Variants in DYNC2I1 observed in about 807,000 individuals in gnomAD.
DYNC2I1 encodes dynein 2 intermediate chain 1, also known as cytoplasmic dynein 2 intermediate chain 1.
In DYNC2I1, 89 loss-of-function variants were observed where a neutral mutation model predicts 133.4. The ratio of observed to expected loss-of-function variants is 0.67; its 90% CI spans 0.56 to 0.80. The LOEUF (loss-of-function observed/expected upper bound fraction) is 0.80, where lower values mean the gene tolerates loss of function less well. DYNC2I1 is among the 30% of genes least tolerant of loss of function. DYNC2I1 has a pLI of 0.00. For missense variants in DYNC2I1, 1,291 were observed against 1,314.5 expected, an observed-to-expected ratio of 0.98 and a Z score of 0.28; for synonymous variants, 504 against 484.3, an observed-to-expected ratio of 1.04 and a Z score of -0.54.
chr7:158,871,517 C>T lies in DYNC2I1; in HGVS notation c.445C>T (p.Arg149Cys), dbSNP rs545206396. The change falls in exon 3 of 25, where the codon CGC (arginine) becomes TGC (cysteine). Residue 149 changes from arginine (R) to cysteine (C), a missense_variant. Transcript: ENST00000407559. ...AHHNLLGQET[R>C]DRQLLERAER... ...CCACAACCTGCTGGGCCAGGAGACA[C>T]GCGACCGGCAGCTCCTGGAGCGGGC... The T allele has an allele frequency of 3.2e-5, 49 of 1,545,534 alleles. No homozygotes were observed. Among genetic ancestry groups the T allele is most frequent in the Admixed American group, 1.2e-4 (6 of 50,882 alleles).
chr7:158,937,297 G>A (rs1456270447), intron 23 of DYNC2I1, among the ~76,000 whole-genome samples: 1 of 152,214 alleles, frequency 6.6e-6, no homozygotes, highest in African/African-American at 2.4e-5. Flanking sequence ...TCAAGTAGAG[G>A]AATGAATAGG....
intron 1 of DYNC2I1, among the ~76,000 whole-genome samples, chr7:158,859,774 T>G (rs962271360): frequency 1.3e-5 from 2 of 152,100 alleles, no homozygotes; most frequent in African/African-American, 4.8e-5. Flanking sequence ...CATGAGCCAC[T>G]GTGCCAGGCC....
rs999543902 is a variant in DYNC2I1, at chr7:158,904,837, A to G, written c.1358-1152A>G. 10 of 224,558 alleles carry G rather than the reference A, an allele frequency of 4.5e-5. No individual in the cohort carries two copies. The East Asian group carries it at 9.0e-4, about 20-fold the overall frequency. 13.9% of individuals were successfully genotyped at this position (224,558 alleles called of 1,614,324 possible). A position where few individuals can be genotyped will look rare whatever the true frequency, so the allele number is the denominator to read the frequency against. On this transcript the variant is annotated intron_variant, in intron 10 of 24. Coordinates refer to ENST00000407559, the MANE Select transcript of DYNC2I1 (RefSeq NM_018051.5). Reference sequence around the variant, plus strand: ...CCCCTGACCCAGACAGGCATCCTCCAGAGCCACACCCTCTGCATTGCTGGC... The same window carrying G: ...CCCCTGACCCAGACAGGCATCCTCCGGAGCCACACCCTCTGCATTGCTGGC...
At chr7:158,882,885 A>G (rs1195587134) in intron 5 of DYNC2I1, among the ~76,000 whole-genome samples, 1 of 151,998 alleles carries the variant, frequency 6.6e-6, no homozygotes, top group Non-Finnish European at 1.5e-5. Context: ...CAAAAAAAAA[A>G]AAAAAAGGAA....
At chr7:158,871,689 C>A in intron 3 of DYNC2I1, 127 bp downstream of exon 3, 1 of 1,120,528 alleles carries the variant, frequency 8.9e-7, no homozygotes, top group Non-Finnish European at 1.2e-6. Context: ...CCTTTTTTTT[C>A]TGGACAGGGT....
Position 158,945,600 on chromosome 7 carries a change from G to T in DYNC2I1, c.3022G>T (p.Val1008Leu). 6.2e-7 allele frequency: 1 copy of T among 1,607,452 alleles called. No homozygotes were observed. Among genetic ancestry groups the T allele is most frequent in the Non-Finnish European group, 8.5e-7 (1 of 1,177,586 alleles). ...CTGCAGGCTGGTGGCCATGGCTGCG[G>T]TGGGTGAGCCTGAGAAGGCTGGTGG... ...SPNRLVAMAA[V>L]GEPEKAGGSF... Residue 1008 changes from valine (V) to leucine (L), a missense_variant, in exon 25 of 25, where the codon GTG becomes TTG. Transcript: ENST00000407559. The surrounding 1 kb of genome is among the most constrained non-coding windows in gnomAD (Gnocchi z 4.1).
chr7:158,886,246 C>A (rs1844591569), intron 6 of DYNC2I1, among the ~76,000 whole-genome samples: 1 of 152,038 alleles, frequency 6.6e-6, no homozygotes, highest in Non-Finnish European at 1.5e-5. Context: ...ATTCCCCTGC[C>A]TCAGCCTCCT....
chr7:158,859,763 G>T (rs943762563), intron 1 of DYNC2I1, among the ~76,000 whole-genome samples: 4 of 152,156 alleles, frequency 2.6e-5, no homozygotes, highest in African/African-American at 9.7e-5. Context: ...GGGATTATAG[G>T]CATGAGCCAC....
upstream of DYNC2I1, among the ~76,000 whole-genome samples, chr7:158,854,511 G>C (rs1841123630): frequency 6.6e-6 from 1 of 151,682 alleles, no homozygotes; most frequent in African/African-American, 2.4e-5. Flanking sequence ...GGGGGGGCTG[G>C]GGGATAGCAT....
At chr7:158,851,311 C>T in the DYNC2I1 span, among the ~76,000 whole-genome samples, 1 of 152,064 alleles carries the variant, frequency 6.6e-6, no homozygotes, top group African/African-American at 2.4e-5. Context: ...GGCAGATGAA[C>T]TGCTTGAGCT....
At chr7:158,869,628 G>A in intron 1 of DYNC2I1, 1 of 546,902 alleles carries the variant, frequency 1.8e-6, no homozygotes, top group South Asian at 2.1e-5. Flanking sequence ...TTTAAGTTTT[G>A]AAGTAGCCAA....
At chr7:158,869,479 A>C in intron 1 of DYNC2I1, 1 of 473,204 alleles carries the variant, frequency 2.1e-6, no homozygotes, top group Non-Finnish European at 4.4e-6. Flanking sequence ...CTGTGTGCAC[A>C]GCATTTGGGA....
intron 8 of DYNC2I1, among the ~76,000 whole-genome samples, chr7:158,893,073 C>T (rs910041217): frequency 2.6e-5 from 4 of 151,982 alleles, no homozygotes; most frequent in African/African-American, 4.8e-5. Flanking sequence ...GATGAGCCTA[C>T]GTTGATGTGT....
chr7:158,842,327 G>A, the DYNC2I1 span, among the ~76,000 whole-genome samples: 2 of 152,202 alleles, frequency 1.3e-5, no homozygotes, highest in East Asian at 1.9e-4. Context: ...ACGCCCAGCC[G>A]GGGCTGGCAG....
Position 158,942,144 on chromosome 7 carries a change from A to G in DYNC2I1, c.2998A>G (p.Asn1000Asp). ...TGTCGCCAAACAGCAGGTCTCCCCC[A>G]ACAGGCAAGTGGGGAAGCTCTGGAC... ...GPVAKQQVSP[N>D]RLVAMAAVGE... is the part of the protein sequence containing the mutation. Residue 1000 changes from asparagine to aspartate, a missense_variant, in exon 24 of 25, where the codon AAC (asparagine) becomes GAC (aspartate). Physicochemically the swap from Asn to Asp is conservative, Grantham distance 23. Coordinates refer to ENST00000407559, the MANE Select transcript of DYNC2I1 (RefSeq NM_018051.5). 1.9e-6 allele frequency: 3 copies of G among 1,543,084 alleles called. No homozygotes were observed. Among genetic ancestry groups the G allele is most frequent in the Non-Finnish European group, 1.8e-6 (2 of 1,141,748 alleles).
chr7:158,926,844 T>C, intron 19 of DYNC2I1, 148 bp from the exon 20 acceptor site: 1 of 642,672 alleles, frequency 1.6e-6, no homozygotes, highest in Non-Finnish European at 2.7e-6. Flanking sequence ...AGAGTGTTAG[T>C]TCTGAGGCTA....
At chr7:158,946,799 G>A (rs946901696), downstream of DYNC2I1, among the ~76,000 whole-genome samples, 4 of 152,218 alleles carry the variant, frequency 2.6e-5, no homozygotes, top group African/African-American at 7.2e-5. Flanking sequence ...AATGTTCCCA[G>A]CACCGTTGGC....
At chr7:158,910,919 A>G (rs1271025021) in intron 11 of DYNC2I1, among the ~76,000 whole-genome samples, 1 of 117,492 alleles carries the variant, frequency 8.5e-6, no homozygotes, top group African/African-American at 3.4e-5. Flanking sequence ...GGCCTGTGGG[A>G]GGAGTGCGAT....
the DYNC2I1 span, among the ~76,000 whole-genome samples, chr7:158,839,631 G>A: frequency 2.6e-5 from 4 of 152,034 alleles, no homozygotes; most frequent in Admixed American, 6.5e-5. Context: ...CATCCTGGCT[G>A]ACACGGTGAA....
Sources: gnomAD v4.1 joint callset for allele counts (sites outside exome capture counted in the v4.1 genomes callset) on GRCh38, gnomAD v4.1.1 for gene constraint, Gnocchi (gnomAD v3.1) non-coding constraint, MANE v1.5 for transcripts, NCBI Gene and HGNC (gene_info 2026-07-23, HGNC 2026-07-21) for gene names.